Variants in CCDC85A observed in about 807,000 individuals in gnomAD.
CCDC85A encodes the protein coiled-coil domain-containing protein 85A.
CCDC85A carries 38 observed loss-of-function variants against 50.2 expected under a neutral mutation model. The observed-to-expected ratio is 0.76, with a 90% CI of 0.58 to 0.99. The LOEUF is 0.99. CCDC85A is among the 50% of genes least tolerant of loss of function. The probability of loss-of-function intolerance (pLI) is 0.00; values close to 1 mark genes in which losing one functional copy is unlikely to be tolerated. For missense variants in CCDC85A, 820 were observed against 742.0 expected, an observed-to-expected ratio of 1.11 and a Z score of -1.22; for synonymous variants, 366 against 301.4, an observed-to-expected ratio of 1.21 and a Z score of -2.22.
chr2:56,290,038 T>C (rs1011591033), intron 2 of CCDC85A, among the ~76,000 whole-genome samples: 2 of 152,126 alleles, frequency 1.3e-5, no homozygotes, highest in Non-Finnish European at 2.9e-5. Context: ...CCTGCTATTG[T>C]CTGGTTCTGA....
intron 3 of CCDC85A, among the ~76,000 whole-genome samples, chr2:56,353,037 C>G (rs1013458490): frequency 6.6e-6 from 1 of 152,120 alleles, no homozygotes; most frequent in Non-Finnish European, 1.5e-5. Context: ...TACTCAGATT[C>G]CTTAAAACCA....
Position 56,295,131 on chromosome 2 carries a change from G to C in CCDC85A, c.1241-47748G>C, listed in dbSNP as rs1349388409. On this transcript the variant is annotated intron_variant, in intron 2 of 5. Coordinates refer to ENST00000407595, the MANE Select transcript of CCDC85A (RefSeq NM_001080433.2). Reference sequence around the variant, plus strand: ...TTCACTGAATGGACCAGTTGTTTTGGATTTTTTTTTAATTTTAATGAATCA... The same window carrying C: ...TTCACTGAATGGACCAGTTGTTTTGCATTTTTTTTTAATTTTAATGAATCA... 2.1e-5 allele frequency among the ~76,000 whole-genome samples: 3 copies of C among 144,214 alleles called. No homozygotes were observed. The East Asian group carries it at 6.6e-4, about 32-fold the overall frequency. The allele number at this position is 144,214 out of a possible 152,430, so 94.6% of individuals were successfully genotyped here.
intron 2 of CCDC85A, among the ~76,000 whole-genome samples, chr2:56,262,619 A>G (rs1354897176): frequency 6.6e-6 from 1 of 152,218 alleles, no homozygotes; most frequent in Non-Finnish European, 1.5e-5. Flanking sequence ...GCTAGGTTTC[A>G]TTAAATTCTC....
intron 2 of CCDC85A, among the ~76,000 whole-genome samples, chr2:56,273,973 A>G (rs1228304460): frequency 1.3e-5 from 2 of 152,180 alleles, no homozygotes; most frequent in African/African-American, 2.4e-5. Context: ...AAGCCCTAAA[A>G]TGATATATAA....
rs374046063 is a variant in CCDC85A at position 56,322,236 on chromosome 2, A to G, written c.1241-20643A>G. On this transcript the variant is annotated intron_variant, in intron 2 of 5. Transcript: ENST00000407595. ...ACCATTCAGGCCATAGGCATGGGCA[A>G]GGGCTTCATGTCTAAAACACCAAAA... Among the ~76,000 whole-genome samples, 136 of 152,352 alleles carry G rather than the reference A, an allele frequency of 8.9e-4. 2 individuals carry two copies. In the South Asian group the frequency reaches 0.027, roughly 30 times the overall value.
chr2:56,259,762 A>G (rs551565252), intron 2 of CCDC85A, among the ~76,000 whole-genome samples: 3 of 152,288 alleles, frequency 2.0e-5, no homozygotes, highest in African/African-American at 7.2e-5. Context: ...CCCTTAATGG[A>G]CTTAAAACCA....
intron 2 of CCDC85A, among the ~76,000 whole-genome samples, chr2:56,242,733 T>G (rs1485926831): frequency 6.6e-6 from 1 of 152,188 alleles, no homozygotes; most frequent in Non-Finnish European, 1.5e-5. Context: ...ATTTTGTTGA[T>G]TGTTTCACTC....
chr2:56,244,681 T>C (rs1158942480), intron 2 of CCDC85A, among the ~76,000 whole-genome samples: 1 of 151,524 alleles, frequency 6.6e-6, no homozygotes, highest in Non-Finnish European at 1.5e-5. Flanking sequence ...TGGGTCACAT[T>C]GGAAGCCAGC....
At chr2:56,379,568 A>G (rs910484598) in intron 5 of CCDC85A, among the ~76,000 whole-genome samples, 1 of 152,236 alleles carries the variant, frequency 6.6e-6, no homozygotes, top group Non-Finnish European at 1.5e-5. Context: ...AAATAGAATC[A>G]TTCCAAATAG....
At chr2:56,336,487 G>A (rs1674081847) in intron 2 of CCDC85A, among the ~76,000 whole-genome samples, 1 of 152,152 alleles carries the variant, frequency 6.6e-6, no homozygotes, top group Non-Finnish European at 1.5e-5. Context: ...GCTGTAGTTT[G>A]TGTCAGAATG....
intron 2 of CCDC85A, among the ~76,000 whole-genome samples, chr2:56,339,216 GC>G (rs1292430468): frequency 6.6e-6 from 1 of 152,138 alleles, no homozygotes; most frequent in African/African-American, 2.4e-5. Context: ...AAATGTTTTT[GC>G]CTTTGCCTTC....
chr2:56,314,123 G>T (rs13428678), intron 2 of CCDC85A, among the ~76,000 whole-genome samples: 4,271 of 148,602 alleles, frequency 0.029, 217 homozygotes, highest in African/African-American at 0.099. Flanking sequence ...GGAATCAAGG[G>T]CAGTCTTGAA....
chr2:56,284,551 T>G (rs575179835), intron 2 of CCDC85A, among the ~76,000 whole-genome samples: 49 of 152,266 alleles, frequency 3.2e-4, no homozygotes, highest in African/African-American at 1.1e-3. Flanking sequence ...TTTTCTATTT[T>G]TAGTAGAGAT....
intron 3 of CCDC85A, among the ~76,000 whole-genome samples, chr2:56,357,078 CAA>C (rs199639570): frequency 3.5e-4 from 30 of 86,778 alleles, no homozygotes; most frequent in East Asian, 6.8e-4. Context: ...GACTCCATCT[CAA>C]AAAAAAAAAA....
Position 56,372,456 on chromosome 2 carries a change from G to C in CCDC85A, c.1430G>C (p.Gly477Ala). The change falls in exon 4 of 6, where the codon GGA becomes GCA. Residue 477 changes from glycine (G) to alanine (A), a missense_variant. Gly to Ala is a moderately conservative substitution (Grantham distance 60). Transcript: ENST00000407595. ...TGGTGGCAAGGGTGCCGAGGAATAG[G>C]ACGATGCCTGCCTACTCTCCCGGTG... ...LQWWQGCRGIGRCLPTLPGSF... is the reference protein window; with the variant it reads ...LQWWQGCRGIARCLPTLPGSF... 1 of 1,609,312 alleles carries C rather than the reference G, an allele frequency of 6.2e-7. No individual in the cohort carries two copies. The highest frequency in any genetic ancestry group is 1.1e-5 in the South Asian group (1 of 89,962).
intron 3 of CCDC85A, among the ~76,000 whole-genome samples, chr2:56,349,083 A>G (rs886818971): frequency 6.6e-6 from 1 of 152,150 alleles, no homozygotes; most frequent in African/African-American, 2.4e-5. Flanking sequence ...CTGAAGAGAA[A>G]CTTGTGCAGA....
At chr2:56,220,753 G>T (rs1271438091) in intron 2 of CCDC85A, among the ~76,000 whole-genome samples, 1 of 151,994 alleles carries the variant, frequency 6.6e-6, no homozygotes, top group Non-Finnish European at 1.5e-5. Flanking sequence ...GCTAAGTAAG[G>T]TCGGCTTAAC....
chr2:56,223,556 T>G (rs1009382834), intron 2 of CCDC85A, among the ~76,000 whole-genome samples: 7 of 152,190 alleles, frequency 4.6e-5, no homozygotes, highest in African/African-American at 1.7e-4. Flanking sequence ...ATTGCTTTCA[T>G]GTTTGATACA....
intron 2 of CCDC85A, among the ~76,000 whole-genome samples, chr2:56,274,662 A>C (rs575260837): frequency 6.6e-6 from 1 of 152,338 alleles, no homozygotes; most frequent in East Asian, 1.9e-4. Context: ...GTGTTTCACC[A>C]AATGACCGGG....
Sources: gnomAD v4.1 joint callset for allele counts (sites outside exome capture counted in the v4.1 genomes callset) on GRCh38, gnomAD v4.1.1 for gene constraint, MANE v1.5 for transcripts, NCBI Gene and HGNC (gene_info 2026-07-23, HGNC 2026-07-21) for gene names.